SHC3: variants seen among roughly 807,000 people sequenced by gnomAD.
SHC3 encodes SHC-transforming protein 3.
A neutral mutation model predicts 60.4 loss-of-function variants in SHC3; 15 were observed. The observed-to-expected ratio is 0.25, with a 90% confidence interval of 0.17 to 0.38. The LOEUF is 0.38. SHC3 is among the 10% of genes least tolerant of loss of function. The pLI is 1.00. For synonymous variants in SHC3, 294 were observed against 325.9 expected (o/e 0.90, Z 1.05); for missense variants, 677 against 786.1 (o/e 0.86, Z 1.66).
At chr9:89,022,388 C>T (rs1434546791) in intron 11 of SHC3, among the ~76,000 whole-genome samples, 1 of 152,110 alleles carries the variant, frequency 6.6e-6, no homozygotes, top group Non-Finnish European at 1.5e-5. Flanking sequence ...TGTGGCTTTG[C>T]GGCGGGATAG....
chr9:89,102,027 T>A (rs1825790899), intron 2 of SHC3, among the ~76,000 whole-genome samples: 1 of 152,164 alleles, frequency 6.6e-6, no homozygotes, highest in Non-Finnish European at 1.5e-5. Context: ...GATTATCTCT[T>A]TTTTTCTTTA....
chr9:89,098,682 G>A (rs938675099), intron 2 of SHC3, among the ~76,000 whole-genome samples: 1 of 152,098 alleles, frequency 6.6e-6, no homozygotes, highest in Non-Finnish European at 1.5e-5. Context: ...ATGGTAGCAG[G>A]CGCCTGTAGT....
At chr9:89,057,538 G>A (rs1824975997) in intron 6 of SHC3, among the ~76,000 whole-genome samples, 1 of 151,974 alleles carries the variant, frequency 6.6e-6, no homozygotes, top group South Asian at 2.1e-4. Flanking sequence ...GAATTATAAA[G>A]TAAAATGACC....
intron 6 of SHC3, among the ~76,000 whole-genome samples, chr9:89,055,886 C>T (rs1020558832): frequency 2.0e-5 from 3 of 152,166 alleles, no homozygotes; most frequent in Non-Finnish European, 2.9e-5. Context: ...AAATTATTAA[C>T]GTGCATTCCT....
In SHC3 at chr9:89,035,056, C is replaced by T. The variant is rs114834529; in HGVS notation, c.1656+2937G>A. Among the ~76,000 whole-genome samples the T allele has an allele frequency of 6.0e-3, 918 of 152,256 alleles. 8 individuals carry two copies. Among genetic ancestry groups the T allele is most frequent in the African/African-American group, 0.02 (846 of 41,544 alleles). ...GCTTAATGCAACGTGTCATTTTGAC[C>T]TCCACATTCTCACCACCTGTTCCTC... On this transcript the variant is annotated intron_variant, in intron 11 of 11. Coordinates refer to ENST00000375835, the MANE Select transcript of SHC3 (RefSeq NM_016848.6).
intron 11 of SHC3, among the ~76,000 whole-genome samples, chr9:89,025,004 G>C (rs1326182119): frequency 6.6e-6 from 1 of 152,176 alleles, no homozygotes; most frequent in Non-Finnish European, 1.5e-5. Flanking sequence ...TCAATTGCCT[G>C]GGAAACGTGT....
At chr9:89,040,629 C>T (rs1012638777) in intron 10 of SHC3, among the ~76,000 whole-genome samples, 15 of 152,308 alleles carry the variant, frequency 9.8e-5, no homozygotes, top group African/African-American at 3.1e-4. Context: ...ATAACAACTC[C>T]AGCAAAAGCT....
intron 1 of SHC3, among the ~76,000 whole-genome samples, chr9:89,143,529 T>C (rs954892831): frequency 1.3e-5 from 2 of 152,170 alleles, no homozygotes; most frequent in African/African-American, 4.8e-5. Flanking sequence ...CAAATGCCTC[T>C]GACACTTCCA....
At chr9:89,098,422 T>C (rs985835519) in intron 2 of SHC3, among the ~76,000 whole-genome samples, 2 of 152,210 alleles carry the variant, frequency 1.3e-5, no homozygotes, top group African/African-American at 2.4e-5. Flanking sequence ...GTGCTGTGAG[T>C]ATGTAGGAAA....
intron 1 of SHC3, among the ~76,000 whole-genome samples, chr9:89,113,589 C>T (rs571916757): frequency 6.6e-6 from 1 of 152,168 alleles, no homozygotes; most frequent in Admixed American, 6.6e-5. Flanking sequence ...TTTATCTGAG[C>T]CTGTCTATAC....
intron 1 of SHC3, among the ~76,000 whole-genome samples, chr9:89,145,997 A>G (rs1019932003): frequency 6.6e-6 from 1 of 152,210 alleles, no homozygotes; most frequent in Admixed American, 6.5e-5. Flanking sequence ...CAATAAAGCA[A>G]CATCCTCAAA....
intron 5 of SHC3, among the ~76,000 whole-genome samples, chr9:89,069,518 C>T (rs1351584229): frequency 6.6e-6 from 1 of 152,212 alleles, no homozygotes; most frequent in Non-Finnish European, 1.5e-5. Context: ...CCACTTGACC[C>T]TATGGAATGG....
intron 2 of SHC3, chr9:89,110,027 T>G (rs993948205): frequency 2.0e-6 from 2 of 985,276 alleles, no homozygotes; most frequent in South Asian, 4.7e-5. Context: ...TACACTGACA[T>G]GAGTGATAAA....
rs765967570 is a variant in SHC3, at chr9:89,038,217, T to A, written c.1432A>T (p.Ile478Phe). 5 of 1,613,898 alleles carry A rather than the reference T, an allele frequency of 3.1e-6. No homozygotes were observed. Among genetic ancestry groups the A allele is most frequent in the Non-Finnish European group, 4.2e-6 (5 of 1,180,022 alleles). The change falls in exon 11 of 12, where the codon ATC becomes TTC. Residue 478 changes from isoleucine to phenylalanine, a missense_variant. By Grantham distance (21) the Ile-to-Phe change is conservative (BLOSUM62 0). Transcript: ENST00000375835. ...VLSKAASVECISPVSPRAPDA... is the reference protein window; with the variant it reads ...VLSKAASVECFSPVSPRAPDA... ...GGGGCTCTAGGTGACACAGGGCTGATGCACTCCACGGAGGCTGCCTTGCTT... is the reference window on the plus strand; with the variant it reads ...GGGGCTCTAGGTGACACAGGGCTGAAGCACTCCACGGAGGCTGCCTTGCTT...
In SHC3 at chr9:89,013,120, G is replaced by A. The variant is rs1399116683; in HGVS notation, c.*327C>T. ...GATGGGTCAGTTGAATTAAATTTTT[G>A]CCTGGACAACTACAGTTAAACTTAT... On this transcript the variant is annotated 3_prime_UTR_variant, in exon 12 of 12. Coordinates refer to ENST00000375835, the MANE Select transcript of SHC3 (RefSeq NM_016848.6). 6.0e-6 allele frequency: 1 copy of A among 167,484 alleles called. No homozygotes were observed. Among genetic ancestry groups the A allele is most frequent in the Non-Finnish European group, 1.2e-5 (1 of 80,746 alleles). 10.4% of individuals were successfully genotyped at this position (167,484 alleles called of 1,614,324 possible). A position where few individuals can be genotyped will look rare whatever the true frequency, so the allele number is the denominator to read the frequency against.
At chr9:89,099,700 T>G (rs1204752706) in intron 2 of SHC3, among the ~76,000 whole-genome samples, 1 of 152,160 alleles carries the variant, frequency 6.6e-6, no homozygotes, top group Non-Finnish European at 1.5e-5. Flanking sequence ...ACCACACAAC[T>G]GCCATGGGCC....
chr9:89,065,804 G>A (rs1331308830), intron 5 of SHC3, among the ~76,000 whole-genome samples: 1 of 152,084 alleles, frequency 6.6e-6, no homozygotes, highest in Non-Finnish European at 1.5e-5. Flanking sequence ...CAGGTCAGGG[G>A]TAGGGTCTGA....
chr9:89,088,941 A>C (rs1470881391), intron 2 of SHC3: 1 of 152,296 alleles, frequency 6.6e-6, no homozygotes, highest in Non-Finnish European at 1.5e-5. Context: ...CACACCTGCA[A>C]GGCAAGAGAG....
chr9:89,157,213 G>A (rs1283434108), intron 1 of SHC3, among the ~76,000 whole-genome samples: 1 of 152,160 alleles, frequency 6.6e-6, no homozygotes, highest in African/African-American at 2.4e-5. Flanking sequence ...GTAACATCCT[G>A]AGATAGAAAG....
Sources: gnomAD v4.1 joint callset for allele counts (sites outside exome capture counted in the v4.1 genomes callset) on GRCh38, gnomAD v4.1.1 for gene constraint, MANE v1.5 for transcripts, NCBI Gene and HGNC (gene_info 2026-07-23, HGNC 2026-07-21) for gene names.